The following C1orf105 variants were observed in gnomAD, a reference collection of about 807,000 sequenced individuals.
C1orf105 encodes uncharacterized protein C1orf105.
C1orf105 carries 17 observed loss-of-function variants against 20.8 expected under a neutral mutation model. The ratio of observed to expected loss-of-function variants is 0.82; its 90% CI spans 0.56 to 1.23. The LOEUF (loss-of-function observed/expected upper bound fraction) is 1.23, where lower values mean the gene tolerates loss of function less well. Ranked by LOEUF, C1orf105 falls within the 50% of genes most tolerant of loss-of-function variation. The pLI is 0.00. For synonymous variants in C1orf105, 72 were observed against 72.1 expected, an observed-to-expected ratio of 1.00 and a Z score of 0.01; for missense variants, 219 against 213.5, an observed-to-expected ratio of 1.03 and a Z score of -0.16.
chr1:172,423,687 T>C (rs1167547723), intron 1 of C1orf105, among the ~76,000 whole-genome samples: 6 of 152,056 alleles, frequency 3.9e-5, no homozygotes, highest in Non-Finnish European at 1.5e-5. Context: ...AAAATAGCTG[T>C]TTTGAGGAAA....
intron 6 of C1orf105, among the ~76,000 whole-genome samples, chr1:172,467,277 C>T (rs1374235465): frequency 6.6e-6 from 1 of 152,224 alleles, no homozygotes; most frequent in East Asian, 1.9e-4. Context: ...TCCCAGTGAA[C>T]AACATTACTG....
At position 172,462,223 on chromosome 1, in the gene C1orf105, T is replaced by G. The variant is rs1649747575; in HGVS notation, c.319T>G (p.Phe107Val). The G allele has an allele frequency of 6.2e-7, 1 of 1,609,462 alleles. No homozygotes were observed. The change falls in exon 5 of 7, where the codon TTT becomes GTT. Residue 107 changes from phenylalanine (F) to valine (V), a missense_variant. Coordinates refer to ENST00000367727, the MANE Select transcript of C1orf105 (RefSeq NM_139240.4). ...AATCCCAGATGATCCAAAAGCATCC[T>G]TTGAGAATTGTATGAGTTATAGGTA... ...MKIPDDPKAS[F>V]ENCMSYRMSL...
chr1:172,425,937 T>G (rs974361477), intron 1 of C1orf105, among the ~76,000 whole-genome samples: 1 of 151,142 alleles, frequency 6.6e-6, no homozygotes, highest in East Asian at 2.0e-4. Flanking sequence ...CTGGAACTTA[T>G]GTCATTAACC....
chr1:172,444,148 C>T (rs886588301), intron 1 of C1orf105: 19 of 988,418 alleles, frequency 1.9e-5, no homozygotes, highest in Non-Finnish European at 2.3e-5. Context: ...GACGTGACTG[C>T]TGCCCCCTCC....
intron 2 of C1orf105, among the ~76,000 whole-genome samples, chr1:172,448,042 G>A (rs2149176527): frequency 6.6e-6 from 1 of 152,338 alleles, no homozygotes; most frequent in South Asian, 2.1e-4. Context: ...TTGTTTCAGG[G>A]TGCAAGGACA....
At chr1:172,450,200 A>G (rs1648461015) in intron 3 of C1orf105, among the ~76,000 whole-genome samples, 1 of 152,198 alleles carries the variant, frequency 6.6e-6, no homozygotes, top group Admixed American at 6.5e-5. Context: ...GGTTGCTCTT[A>G]TTGGGAGAGA....
chr1:172,421,091 G>A (rs149292870), intron 1 of C1orf105, among the ~76,000 whole-genome samples, 185 bp downstream of exon 1: 96 of 152,230 alleles, frequency 6.3e-4, no homozygotes, highest in African/African-American at 2.2e-3. Context: ...TAATTTTAAT[G>A]GGTTTGGGGC....
chr1:172,460,556 A>G (rs1649615827), intron 4 of C1orf105, among the ~76,000 whole-genome samples: 1 of 152,204 alleles, frequency 6.6e-6, no homozygotes, highest in African/African-American at 2.4e-5. Context: ...GTAAACAGAT[A>G]TTCTCTAACA....
At chr1:172,453,039 T>C (rs1336167326) in intron 3 of C1orf105, 1 of 1,550,612 alleles carries the variant, frequency 6.4e-7, no homozygotes, top group Middle Eastern at 1.7e-4. Flanking sequence ...AAATGAGGCC[T>C]GCAGGACATG....
At chr1:172,430,012 G>A (rs2071826870) in intron 1 of C1orf105, among the ~76,000 whole-genome samples, 1 of 152,168 alleles carries the variant, frequency 6.6e-6, no homozygotes, top group South Asian at 2.1e-4. Context: ...AGCAGAGCTG[G>A]GAGGAAGGGG....
chr1:172,445,841 A>G (rs770458135), intron 2 of C1orf105, among the ~76,000 whole-genome samples: 4 of 152,200 alleles, frequency 2.6e-5, no homozygotes, highest in Non-Finnish European at 5.9e-5. Context: ...GCAGAGAGAA[A>G]GAGAAAGGGC....
At chr1:172,452,391 G>A (rs995830405) in intron 3 of C1orf105, among the ~76,000 whole-genome samples, 5 of 152,196 alleles carry the variant, frequency 3.3e-5, no homozygotes, top group African/African-American at 1.2e-4. Flanking sequence ...AAGAAACAGA[G>A]GTGTTGAAGG....
intron 1 of C1orf105, among the ~76,000 whole-genome samples, chr1:172,429,158 CA>C (rs2071797587): frequency 6.6e-6 from 1 of 152,196 alleles, no homozygotes; most frequent in East Asian, 1.9e-4. Context: ...CTCTGAGTCT[CA>C]GTCTCAACTG....
intron 1 of C1orf105, chr1:172,443,225 T>TCTC (rs1305502703): frequency 6.0e-6 from 1 of 167,610 alleles, no homozygotes; most frequent in East Asian, 1.9e-4. Flanking sequence ...TCACATTGTA[T>TCTC]CTCCCTCTAA....
chr1:172,423,723 A>C (rs773876730), intron 1 of C1orf105, among the ~76,000 whole-genome samples: 2 of 152,136 alleles, frequency 1.3e-5, no homozygotes, highest in African/African-American at 2.4e-5. Context: ...GATAACACAG[A>C]GAGGGAGAAT....
At chr1:172,435,829 T>C (rs1344488864) in intron 1 of C1orf105, among the ~76,000 whole-genome samples, 7 of 152,202 alleles carry the variant, frequency 4.6e-5, no homozygotes, top group African/African-American at 7.2e-5. Flanking sequence ...GATGACATGA[T>C]TGTATATTTA....
At chr1:172,441,747 C>T in intron 1 of C1orf105, 2 of 1,555,334 alleles carry the variant, frequency 1.3e-6, no homozygotes, top group South Asian at 1.2e-5. Flanking sequence ...GGAACCTGGA[C>T]AAGTCTTCCT....
At chr1:172,452,820 A>T (rs903480957) in intron 3 of C1orf105, 34 of 1,396,558 alleles carry the variant, frequency 2.4e-5, no homozygotes, top group Non-Finnish European at 2.9e-5. Context: ...TGCTTGGGAA[A>T]TGAGGGCCCC....
At chr1:172,439,053 C>A (rs2072131560) in intron 1 of C1orf105, among the ~76,000 whole-genome samples, 1 of 152,068 alleles carries the variant, frequency 6.6e-6, no homozygotes, top group Middle Eastern at 3.2e-3. Context: ...ACTGGAAAAC[C>A]AAAAAATTCA....
Sources: gnomAD v4.1 joint callset for allele counts (sites outside exome capture counted in the v4.1 genomes callset) on GRCh38, gnomAD v4.1.1 for gene constraint, MANE v1.5 for transcripts, NCBI Gene and HGNC (gene_info 2026-07-23, HGNC 2026-07-21) for gene names.